DENND4C: variants seen among roughly 807,000 people sequenced by gnomAD.
DENND4C encodes DENN domain-containing protein 4C.
In DENND4C, 108 loss-of-function variants were observed where a neutral mutation model predicts 203.0. The ratio of observed to expected loss-of-function variants is 0.53; its 90% CI spans 0.46 to 0.62. The LOEUF (loss-of-function observed/expected upper bound fraction) is 0.62. Among genes scored for constraint, DENND4C ranks in the 20% least tolerant of loss-of-function variants. The pLI is 0.00. For synonymous variants in DENND4C, 871 were observed against 792.4 expected, an observed-to-expected ratio of 1.10 and a Z score of -1.67; for missense variants, 2,481 against 2,301.2, an observed-to-expected ratio of 1.08 and a Z score of -1.60.
At chr9:19,345,301 G>A (rs1436689944) in intron 22 of DENND4C, among the ~76,000 whole-genome samples, 1 of 152,158 alleles carries the variant, frequency 6.6e-6, no homozygotes, top group Non-Finnish European at 1.5e-5. Flanking sequence ...TTCTGTGAAG[G>A]CTAGGATTAT....
intron 1 of DENND4C, among the ~76,000 whole-genome samples, chr9:19,250,030 A>G (rs184490276): frequency 1.3e-5 from 2 of 152,262 alleles, no homozygotes; most frequent in East Asian, 3.9e-4. Flanking sequence ...TGGGCGCTGT[A>G]GCTAATACCT....
chr9:19,320,311 G>A (rs899280427), intron 12 of DENND4C, among the ~76,000 whole-genome samples: 1 of 151,738 alleles, frequency 6.6e-6, no homozygotes, highest in Non-Finnish European at 1.5e-5. Context: ...TGATTCTCCC[G>A]CCTCAGCCTC....
At chr9:19,325,900 T>G (rs1370674276) in intron 13 of DENND4C, 39 bp from the exon 14 acceptor site, 1 of 1,570,064 alleles carries the variant, frequency 6.4e-7, no homozygotes, top group Non-Finnish European at 8.7e-7. Context: ...AAATTCATAG[T>G]GGACATTTTC....
Position 19,345,778 on chromosome 9 carries a change from T to A in DENND4C, c.3152-143T>A, listed in dbSNP as rs36078620. ...ATAGCTTTTCCAGTGCACTTTTTTT[T>A]ATACTTTCTTTATGGCCTCTAAATT... On this transcript the variant is annotated intron_variant, in intron 22 of 32. Coordinates refer to ENST00000434457, the MANE Select transcript of DENND4C (RefSeq NM_001330640.2). The A allele has an allele frequency of 2.0e-4, 158 of 778,370 alleles. 1 individual carries two copies. The highest frequency in any genetic ancestry group is 1.1e-3 in the Admixed American group (30 of 28,420). The allele number at this position is 778,370 out of a possible 1,614,324, so 48.2% of individuals were successfully genotyped here.
chr9:19,334,852 G>T, intron 17 of DENND4C, 125 bp from the exon 18 acceptor site: 1 of 994,572 alleles, frequency 1.0e-6, no homozygotes, highest in Non-Finnish European at 1.4e-6. Context: ...TTGCTAAGAT[G>T]CTCAAAGCAG....
Position 19,355,327 on chromosome 9 carries a change from C to A in DENND4C, c.4782-1645C>A, listed in dbSNP as rs78333317. On this transcript the variant is annotated intron_variant, in intron 26 of 32. Coordinates refer to ENST00000434457, the MANE Select transcript of DENND4C (RefSeq NM_001330640.2). ...TGTCATCCATTAATTTTTTACCTTG[C>A]AATTTGTGCTTTTGGAATCTTGTTT... 7.4e-3 allele frequency among the ~76,000 whole-genome samples: 1,125 copies of A among 152,228 alleles called. 18 individuals are homozygous for A. Among genetic ancestry groups the A allele is most frequent in the African/African-American group, 0.026 (1,088 of 41,538 alleles).
At chr9:19,261,797 C>G (rs1326561423) in intron 1 of DENND4C, among the ~76,000 whole-genome samples, 1 of 152,024 alleles carries the variant, frequency 6.6e-6, no homozygotes, top group Non-Finnish European at 1.5e-5. Context: ...AGCCACCATG[C>G]CTGGTCTCTT....
intron 9 of DENND4C, among the ~76,000 whole-genome samples, chr9:19,301,411 C>A (rs1174940997): frequency 1.3e-5 from 2 of 152,186 alleles, no homozygotes; most frequent in African/African-American, 4.8e-5. Context: ...AGTTGCCTAG[C>A]ACAGAGTAGG....
chr9:19,275,805 C>T (rs1371713285), intron 1 of DENND4C, among the ~76,000 whole-genome samples: 2 of 152,112 alleles, frequency 1.3e-5, no homozygotes, highest in African/African-American at 4.8e-5. Flanking sequence ...CAGGGTTTCA[C>T]CAGGTTGGGC....
chr9:19,326,354 T>A (rs1051309953), intron 15 of DENND4C, among the ~76,000 whole-genome samples, 160 bp downstream of exon 15: 11 of 151,980 alleles, frequency 7.2e-5, no homozygotes, highest in Non-Finnish European at 1.3e-4. Context: ...CTAGGTGTTA[T>A]AATTTAAGAA....
chr9:19,281,782 A>G (rs1375963262), intron 2 of DENND4C, among the ~76,000 whole-genome samples: 1 of 152,240 alleles, frequency 6.6e-6, no homozygotes, highest in Non-Finnish European at 1.5e-5. Context: ...AGCTTACTAC[A>G]TATACAACTA....
In DENND4C at chr9:19,346,150, G is replaced by C. The variant is rs765153755; in HGVS notation, c.3381G>C (p.Lys1127Asn). 2 of 1,614,094 alleles carry C rather than the reference G, an allele frequency of 1.2e-6. No homozygotes were observed. Among genetic ancestry groups the C allele is most frequent in the African/African-American group, 2.7e-5 (2 of 74,952 alleles). The change falls in exon 23 of 33, where the codon AAG becomes AAC. Residue 1127 changes from lysine (K) to asparagine (N), a missense_variant. Lys to Asn is a moderately conservative substitution (Grantham distance 94). Around this residue, in one of 3 missense-constraint regions of DENND4C, gnomAD observed 2,289 missense variants for 2,113.3 expected, o/e 1.08. Coordinates refer to ENST00000434457, the MANE Select transcript of DENND4C (RefSeq NM_001330640.2). ...CTATCATGATGGGAGCAGATGCCAA[G>C]ATTCTCACAGCAGCATTGACATGTC... ...EMAIMMGADA[K>N]ILTAALTCPK...
chr9:19,283,900 C>G lies in DENND4C; in HGVS notation c.306-2869C>G, dbSNP rs528669920. ...GTGAGCCACTGCGCCCGCCCAGATG[C>G]ATTTCTTGAGACACAGAATCATAGA... is the stretch of plus-strand genomic sequence containing the variant. On this transcript the variant is annotated intron_variant, in intron 2 of 32. Coordinates refer to ENST00000434457, the MANE Select transcript of DENND4C (RefSeq NM_001330640.2). Among the ~76,000 whole-genome samples the G allele has an allele frequency of 2.0e-5, 3 of 152,246 alleles. No homozygotes were observed. In the East Asian group the frequency reaches 5.8e-4, roughly 29 times the overall value.
intron 5 of DENND4C, among the ~76,000 whole-genome samples, chr9:19,293,621 C>T (rs766047448): frequency 6.6e-6 from 1 of 152,110 alleles, no homozygotes; most frequent in Non-Finnish European, 1.5e-5. Flanking sequence ...AATTTCTTTG[C>T]AGTGTTTTAA....
chr9:19,302,999 C>CT (rs57139336), intron 9 of DENND4C, among the ~76,000 whole-genome samples: 12,173 of 144,502 alleles, frequency 0.084, 583 homozygotes, highest in Non-Finnish European at 0.1. Context: ...TTTACTTTTC[C>CT]TTTTTTTTTT....
intron 22 of DENND4C, among the ~76,000 whole-genome samples, chr9:19,343,209 T>A (rs7864795): frequency 1.3e-5 from 2 of 152,208 alleles, no homozygotes; most frequent in African/African-American, 2.4e-5. Flanking sequence ...TACACAGATA[T>A]GCCAGTGGAT....
intron 1 of DENND4C, among the ~76,000 whole-genome samples, chr9:19,256,943 G>A (rs1289402021): frequency 1.3e-5 from 2 of 151,806 alleles, no homozygotes; most frequent in African/African-American, 4.8e-5. Context: ...GGTGGCAGGC[G>A]CCTGCAGTCC....
At position 19,243,711 on chromosome 9, in the gene DENND4C, A is replaced by G. The variant is rs535768034; in HGVS notation, c.-18+12878A>G. Among the ~76,000 whole-genome samples the G allele has an allele frequency of 2.6e-5, 4 of 152,334 alleles. No individual in the cohort carries two copies. In the South Asian group the frequency reaches 8.3e-4, roughly 32 times the overall value. On this transcript the variant is annotated intron_variant, in intron 1 of 32. Transcript: ENST00000434457. ...TTATGGCTGAATAATACTACGTTCT[A>G]TAGAAACACCACATTTTGTTTATCA...
chr9:19,274,899 A>C (rs1254517460), intron 1 of DENND4C, among the ~76,000 whole-genome samples: 1 of 152,210 alleles, frequency 6.6e-6, no homozygotes, highest in Admixed American at 6.5e-5. Context: ...AAAGAGAATG[A>C]TATTTTGAAT....
Sources: gnomAD v4.1 joint callset for allele counts (sites outside exome capture counted in the v4.1 genomes callset) on GRCh38, gnomAD v4.1.1 for gene constraint, gnomAD v4.1.1 regional missense constraint, MANE v1.5 for transcripts, NCBI Gene and HGNC (gene_info 2026-07-23, HGNC 2026-07-21) for gene names.